Variants in HUNK observed in about 807,000 individuals in gnomAD.
HUNK encodes hormonally up-regulated neu tumor-associated kinase.
HUNK carries 21 observed loss-of-function variants against 61.0 expected under a neutral mutation model. The ratio of observed to expected loss-of-function variants is 0.34; its 90% CI spans 0.24 to 0.50. HUNK has a LOEUF of 0.50. Among genes scored for constraint, HUNK ranks in the 20% least tolerant of loss-of-function variants. HUNK has a pLI of 0.98. For synonymous variants in HUNK, 371 were observed against 386.1 expected, an observed-to-expected ratio of 0.96 and a Z score of 0.46; for missense variants, 772 against 945.7, an observed-to-expected ratio of 0.82 and a Z score of 2.41.
intron 9 of HUNK, among the ~76,000 whole-genome samples, chr21:31,991,364 G>A (rs754438974): frequency 6.6e-6 from 1 of 152,048 alleles, no homozygotes; most frequent in South Asian, 2.1e-4. Flanking sequence ...GACTACAGAC[G>A]CTCTCCACCA....
chr21:31,908,021 CT>C (rs1482421709), intron 1 of HUNK, among the ~76,000 whole-genome samples: 8 of 151,890 alleles, frequency 5.3e-5, no homozygotes, highest in Non-Finnish European at 8.8e-5. Flanking sequence ...AGGACAGTAA[CT>C]TTTATTTAGG....
At chr21:31,905,014 G>T (rs1181932098) in intron 1 of HUNK, among the ~76,000 whole-genome samples, 2 of 151,784 alleles carry the variant, frequency 1.3e-5, no homozygotes, top group Non-Finnish European at 2.9e-5. Context: ...GGAGGCAGAG[G>T]TTGCAGTGAG....
intron 2 of HUNK, among the ~76,000 whole-genome samples, chr21:31,927,826 GA>G: frequency 6.6e-6 from 1 of 152,210 alleles, no homozygotes; most frequent in Middle Eastern, 3.4e-3. Context: ...GCCTTTTCTA[GA>G]GCCAGCCTTG....
chr21:31,884,592 CAA>C (rs71320207), intron 1 of HUNK, among the ~76,000 whole-genome samples: 1 of 146,910 alleles, frequency 6.8e-6, no homozygotes, highest in African/African-American at 2.6e-5. Flanking sequence ...AACTCTGTCT[CAA>C]AAAAAAAATA....
chr21:31,951,075 G>C (rs557451405), intron 4 of HUNK, among the ~76,000 whole-genome samples: 1 of 152,014 alleles, frequency 6.6e-6, no homozygotes, highest in East Asian at 1.9e-4. Flanking sequence ...GCGCTTTCTT[G>C]GGGGTTTGTA....
chr21:31,939,491 C>A (rs764588293), intron 2 of HUNK, among the ~76,000 whole-genome samples: 8 of 146,834 alleles, frequency 5.4e-5, no homozygotes, highest in Non-Finnish European at 1.2e-4. Flanking sequence ...TCACCACAAC[C>A]TCTGCCTCCC....
chr21:31,902,123 A>G (rs1418575981), intron 1 of HUNK, among the ~76,000 whole-genome samples: 1 of 152,172 alleles, frequency 6.6e-6, no homozygotes, highest in Admixed American at 6.5e-5. Context: ...AACACTGTAC[A>G]TGCTTCATGT....
rs997040690 is a variant in HUNK, at chr21:31,915,427, T to C, written c.262-9041T>C. On this transcript the variant is annotated intron_variant, in intron 1 of 10. Transcript: ENST00000270112. ...CTTCCCATTCCCTGTGCATTTTGAT[T>C]ATTTAAAACATGGTGTAAAAGTGCT... 5.3e-5 allele frequency among the ~76,000 whole-genome samples: 8 copies of C among 152,326 alleles called. No homozygotes were observed. In the East Asian group the frequency reaches 1.5e-3, roughly 29 times the overall value.
Position 31,924,939 on chromosome 21 carries a change from C to T in HUNK, c.554+179C>T, listed in dbSNP as rs1568926664. On this transcript the variant is annotated intron_variant, in intron 2 of 10. Coordinates refer to ENST00000270112, the MANE Select transcript of HUNK (RefSeq NM_014586.2). This position sits in a 1 kb window ranked among gnomAD's most constrained non-coding sequence, Gnocchi z 5.1. ...GAGACGGAGTTTTGTTCTTGTTGCC[C>T]AGGCTGGAGTGCAATGGCGCAGTCA... Among the ~76,000 whole-genome samples, 2 of 152,046 alleles carry T rather than the reference C, an allele frequency of 1.3e-5. No homozygotes were observed.
In HUNK at chr21:31,968,263, C is replaced by G; in HGVS notation, c.888C>G (p.Phe296Leu). 6.2e-7 allele frequency: 1 copy of G among 1,614,210 alleles called. No individual in the cohort carries two copies. Among genetic ancestry groups the G allele is most frequent in the African/African-American group, 1.3e-5 (1 of 75,062 alleles). ...PTQLSTGAISFLRSLLEPDPV... is the reference protein window; with the variant it reads ...PTQLSTGAISLLRSLLEPDPV... ...AATGTCTCCCAGGTGCCATCAGTTTCCTGCGCTCTCTCCTGGAACCGGATC... is the reference window on the plus strand; with the variant it reads ...AATGTCTCCCAGGTGCCATCAGTTTGCTGCGCTCTCTCCTGGAACCGGATC... Residue 296 changes from phenylalanine to leucine, a missense_variant, in exon 6 of 11, where the codon TTC becomes TTG. This residue lies in a region of HUNK where 359 missense variants were observed against 501.3 expected (regional missense o/e 0.72). Transcript: ENST00000270112.
intron 1 of HUNK, among the ~76,000 whole-genome samples, chr21:31,911,233 T>C (rs950046325): frequency 6.6e-6 from 1 of 152,228 alleles, no homozygotes; most frequent in Non-Finnish European, 1.5e-5. Flanking sequence ...TCTTCCCTTC[T>C]GGGGCTTCTA....
chr21:31,908,030 A>G (rs2052518975), intron 1 of HUNK, among the ~76,000 whole-genome samples: 1 of 152,168 alleles, frequency 6.6e-6, no homozygotes, highest in Admixed American at 6.5e-5. Context: ...ACTTTTATTT[A>G]GGTGTTTTTA....
chr21:31,950,353 T>G (rs904476889), intron 4 of HUNK, among the ~76,000 whole-genome samples: 2 of 152,126 alleles, frequency 1.3e-5, no homozygotes, highest in South Asian at 2.1e-4. Context: ...CAGATTCTTT[T>G]GTTATGGCAA....
intron 8 of HUNK, among the ~76,000 whole-genome samples, chr21:31,985,844 A>C (rs2833589): frequency 0.4 from 60,866 of 152,018 alleles, 12,686 homozygotes; most frequent in South Asian, 0.46. Context: ...CCTCTCCGTC[A>C]GTGACACTGC....
chr21:31,890,873 C>A (rs1411004704), intron 1 of HUNK, among the ~76,000 whole-genome samples: 1 of 151,982 alleles, frequency 6.6e-6, no homozygotes, highest in Non-Finnish European at 1.5e-5. Context: ...CTTTTATGAA[C>A]TGTTACTAGT....
rs549000269 is a variant in HUNK, at chr21:31,946,957, T to C, written c.746+786T>C. On this transcript the variant is annotated intron_variant, in intron 4 of 10. Transcript: ENST00000270112. ...GAATGTCCTTTCCCAGCTCTTTGGATGGCCTGCGGATTCCCACATCCCATT... is the reference window on the plus strand; with the variant it reads ...GAATGTCCTTTCCCAGCTCTTTGGACGGCCTGCGGATTCCCACATCCCATT... Among the ~76,000 whole-genome samples, 3 of 152,362 alleles carry C rather than the reference T, an allele frequency of 2.0e-5. No individual in the cohort carries two copies. In the South Asian group the frequency reaches 6.2e-4, roughly 32 times the overall value.
intron 1 of HUNK, among the ~76,000 whole-genome samples, chr21:31,901,961 A>G (rs185626603): frequency 1.9e-4 from 29 of 152,252 alleles, no homozygotes; most frequent in African/African-American, 7.0e-4. Context: ...TGAGAGTCAC[A>G]TCCATGCCTG....
intron 1 of HUNK, among the ~76,000 whole-genome samples, chr21:31,877,089 G>A (rs1361968440): frequency 6.6e-6 from 1 of 152,202 alleles, no homozygotes; most frequent in Non-Finnish European, 1.5e-5. Flanking sequence ...AAAGCTGAAA[G>A]AGGGCATAGG....
intron 1 of HUNK, among the ~76,000 whole-genome samples, chr21:31,891,559 T>C (rs930066424): frequency 6.6e-6 from 1 of 152,214 alleles, no homozygotes; most frequent in Admixed American, 6.5e-5. Flanking sequence ...TAGGATCCTG[T>C]TTACACATAC....
Sources: gnomAD v4.1 joint callset for allele counts (sites outside exome capture counted in the v4.1 genomes callset) on GRCh38, gnomAD v4.1.1 for gene constraint, gnomAD v4.1.1 regional missense constraint, Gnocchi (gnomAD v3.1) non-coding constraint, MANE v1.5 for transcripts, NCBI Gene and HGNC (gene_info 2026-07-23, HGNC 2026-07-21) for gene names.